ZNF423: variants seen among roughly 807,000 people sequenced by gnomAD.
ZNF423 encodes zinc finger protein 423.
In ZNF423, 12 loss-of-function variants were observed where a neutral mutation model predicts 95.8. The observed-to-expected ratio is 0.13, with a 90% CI of 0.08 to 0.20. ZNF423 has a LOEUF of 0.20. Ranked by LOEUF, ZNF423 falls within the 10% of genes least tolerant of loss-of-function variation. ZNF423 has a pLI of 1.00. For missense variants in ZNF423, 1,316 were observed against 1,737.1 expected, an observed-to-expected ratio of 0.76 and a Z score of 4.31; for synonymous variants, 749 against 711.9, an observed-to-expected ratio of 1.05 and a Z score of -0.83.
At chr16:49,562,136 C>A (rs538703752) in intron 5 of ZNF423, among the ~76,000 whole-genome samples, 1 of 152,222 alleles carries the variant, frequency 6.6e-6, no homozygotes, top group Non-Finnish European at 1.5e-5. Flanking sequence ...CCCCAAATCA[C>A]GCAAATAAAA....
At chr16:49,667,470 G>C (rs548874896) in intron 3 of ZNF423, among the ~76,000 whole-genome samples, 1 of 152,232 alleles carries the variant, frequency 6.6e-6, no homozygotes, top group Non-Finnish European at 1.5e-5. Context: ...TGGGATGGAG[G>C]GAAGCCTTCA....
chr16:49,689,534 G>A (rs1158150876), intron 3 of ZNF423, among the ~76,000 whole-genome samples: 1 of 152,072 alleles, frequency 6.6e-6, no homozygotes. Flanking sequence ...CATTAAAAGC[G>A]TGCCCCACAC....
At chr16:49,625,807 T>C (rs1972241555) in intron 5 of ZNF423, among the ~76,000 whole-genome samples, 1 of 152,198 alleles carries the variant, frequency 6.6e-6, no homozygotes, top group South Asian at 2.1e-4. Flanking sequence ...ATTCACCATG[T>C]TGAGTAGGGA....
At chr16:49,639,886 G>C (rs764500094) in intron 3 of ZNF423, among the ~76,000 whole-genome samples, 4 of 152,202 alleles carry the variant, frequency 2.6e-5, no homozygotes, top group Non-Finnish European at 4.4e-5. Context: ...GAAAACAAAG[G>C]CACACAGGAC....
intron 4 of ZNF423, among the ~76,000 whole-genome samples, chr16:49,634,903 G>A (rs2080883679): frequency 6.6e-6 from 1 of 152,160 alleles, no homozygotes; most frequent in South Asian, 2.1e-4. Context: ...GCTCCCTCTG[G>A]TCCACAAGTC....
At chr16:49,626,730 CCCA>C (rs1972287375) in intron 4 of ZNF423, among the ~76,000 whole-genome samples, 1 of 151,128 alleles carries the variant, frequency 6.6e-6, no homozygotes. Flanking sequence ...CATCCATATA[CCCA>C]TCCATCCACC....
chr16:49,527,559 T>G (rs947945953), intron 5 of ZNF423, among the ~76,000 whole-genome samples: 1 of 152,090 alleles, frequency 6.6e-6, no homozygotes, highest in African/African-American at 2.4e-5. Flanking sequence ...CACCCTTACA[T>G]GTGACCTTAT....
At chr16:49,530,559 G>A (rs78842764) in intron 5 of ZNF423, among the ~76,000 whole-genome samples, 1,758 of 152,254 alleles carry the variant, frequency 0.012, 33 homozygotes, top group African/African-American at 0.039. Flanking sequence ...GACGCTTGAC[G>A]AGCAGGAAAT....
At chr16:49,651,399 C>T (rs780815982) in intron 3 of ZNF423, among the ~76,000 whole-genome samples, 3 of 152,138 alleles carry the variant, frequency 2.0e-5, no homozygotes, top group Non-Finnish European at 4.4e-5. Context: ...GAAGATGGAG[C>T]TCAGCTGGGG....
intron 5 of ZNF423, among the ~76,000 whole-genome samples, chr16:49,599,050 C>T (rs1400552106): frequency 6.6e-6 from 1 of 152,202 alleles, no homozygotes; most frequent in African/African-American, 2.4e-5. Flanking sequence ...ACCAGGCACC[C>T]CGGGCTCAGC....
chr16:49,491,494 TA>T (rs1257218209), intron 7 of ZNF423, among the ~76,000 whole-genome samples, 190 bp from the exon 8 acceptor site: 9 of 151,150 alleles, frequency 6.0e-5, no homozygotes. Context: ...GGCTTGGGGA[TA>T]GGTTCCTGTT....
intron 2 of ZNF423, among the ~76,000 whole-genome samples, chr16:49,772,888 T>C (rs544745488): frequency 8.5e-5 from 13 of 152,338 alleles, no homozygotes; most frequent in East Asian, 3.9e-4. Context: ...AAGAGGTTTA[T>C]TGACTCACAG....
intron 1 of ZNF423, among the ~76,000 whole-genome samples, chr16:49,813,564 C>T (rs769640958): frequency 4.6e-5 from 7 of 152,202 alleles, no homozygotes; most frequent in South Asian, 2.1e-4. Context: ...GCAGGAGACA[C>T]GGGAGGTGAC....
Position 49,731,617 on chromosome 16 carries a change from G to A in ZNF423, c.101-646C>T, listed in dbSNP as rs191926857. ...TGCTGAAGGCCTGGAGTTTGAGACC[G>A]GCCTGGGCAATATAGCAAGACTCTA... On this transcript the variant is annotated intron_variant, in intron 2 of 7. Transcript: ENST00000563137. Among the ~76,000 whole-genome samples the A allele has an allele frequency of 5.1e-4, 78 of 152,030 alleles. No individual in the cohort carries two copies. The East Asian group carries it at 0.011, about 22-fold the overall frequency.
intron 5 of ZNF423, among the ~76,000 whole-genome samples, chr16:49,552,396 C>A (rs756111478): frequency 5.2e-4 from 79 of 152,130 alleles, no homozygotes; most frequent in Non-Finnish European, 1.1e-3. Flanking sequence ...AGGGGGTGGG[C>A]CAGGAGCAAT....
intron 1 of ZNF423, among the ~76,000 whole-genome samples, chr16:49,817,860 G>C (rs144299734): frequency 2.0e-5 from 3 of 152,022 alleles, no homozygotes; most frequent in Non-Finnish European, 1.5e-5. Context: ...AAGAGAATAC[G>C]AGGCCCAGAG....
chr16:49,514,687 C>T (rs1968060731), intron 7 of ZNF423, among the ~76,000 whole-genome samples: 1 of 152,204 alleles, frequency 6.6e-6, no homozygotes, highest in Non-Finnish European at 1.5e-5. Flanking sequence ...CATGATTAGG[C>T]ACACACAAGC....
intron 1 of ZNF423, among the ~76,000 whole-genome samples, chr16:49,802,339 T>C (rs1340756459): frequency 6.6e-6 from 1 of 151,974 alleles, no homozygotes; most frequent in African/African-American, 2.4e-5. Context: ...AAGAGGAGAG[T>C]TCATCTCTTG....
chr16:49,638,645 G>A lies in ZNF423; in HGVS notation c.531C>T (p.Thr177=). The A allele has an allele frequency of 6.2e-7, 1 of 1,613,974 alleles. No homozygotes were observed. Among genetic ancestry groups the A allele is most frequent in the Non-Finnish European group, 8.5e-7 (1 of 1,179,974 alleles). ...IHSDKLPFKC[T]YCSRLFKHKR... ...TGTGCTTGAAGAGGCGGCTGCAGTA[G>A]GTGCACTTGAACGGCAGCTTGTCGC... Residue 177 remains threonine, a synonymous_variant, in exon 4 of 8, where the codon ACC becomes ACT. Transcript: ENST00000563137. The surrounding 1 kb of genome is among the most constrained non-coding windows in gnomAD (Gnocchi z 5.6).
Sources: gnomAD v4.1 joint callset for allele counts (sites outside exome capture counted in the v4.1 genomes callset) on GRCh38, gnomAD v4.1.1 for gene constraint, Gnocchi (gnomAD v3.1) non-coding constraint, MANE v1.5 for transcripts, NCBI Gene and HGNC (gene_info 2026-07-23, HGNC 2026-07-21) for gene names.